CPOX: variants seen among roughly 807,000 people sequenced by gnomAD.
The protein encoded by CPOX is oxygen-dependent coproporphyrinogen-III oxidase, mitochondrial.
A neutral mutation model predicts 48.9 loss-of-function variants in CPOX; 24 were observed. The observed-to-expected ratio is 0.49, with a 90% CI of 0.36 to 0.69. The LOEUF (loss-of-function observed/expected upper bound fraction) is 0.69. CPOX is among the 30% of genes least tolerant of loss of function. The pLI is 0.00. For synonymous variants in CPOX, 249 were observed against 234.6 expected, an observed-to-expected ratio of 1.06 and a Z score of -0.56; for missense variants, 549 against 597.3, an observed-to-expected ratio of 0.92 and a Z score of 0.84.
At chr3:98,585,229 T>C (rs1357318431) in intron 5 of CPOX, among the ~76,000 whole-genome samples, 1 of 152,246 alleles carries the variant, frequency 6.6e-6, no homozygotes, top group Non-Finnish European at 1.5e-5. Flanking sequence ...ACATGCCTAC[T>C]ATGAGTCTCT....
At position 98,591,110 on chromosome 3, in the gene CPOX, T is replaced by C; in HGVS notation, c.602A>G (p.Glu201Gly). ...AACAGAAATGCTCACCCCAGCCTTT[T>C]CGAAAACACACCCATCTTGAAGTAC... Reference protein sequence around the residue: ...SCVLQDGCVFEKAGVSISVVH... With the variant: ...SCVLQDGCVFGKAGVSISVVH... Residue 201 changes from glutamate to glycine, a missense_variant, in exon 2 of 7, where the codon GAA becomes GGA. Around this residue, in one of 2 missense-constraint regions of CPOX, gnomAD observed 336 missense variants for 318.1 expected, o/e 1.06. Coordinates refer to ENST00000647941, the MANE Select transcript of CPOX (RefSeq NM_000097.7). 3 of 1,614,148 alleles carry C rather than the reference T, an allele frequency of 1.9e-6. No homozygotes were observed. Among genetic ancestry groups the C allele is most frequent in the Non-Finnish European group, 2.5e-6 (3 of 1,180,020 alleles).
chr3:98,580,467 T>A lies in CPOX; in HGVS notation c.*216A>T. On this transcript the variant is annotated 3_prime_UTR_variant, in exon 7 of 7. Coordinates refer to ENST00000647941, the MANE Select transcript of CPOX (RefSeq NM_000097.7). ...GTCATATAAAATGACACTAGAAGTA[T>A]AAATGAGGTTTAATCAATTGACTCT... 1 of 1,392,844 alleles carries A rather than the reference T, an allele frequency of 7.2e-7. No individual in the cohort carries two copies. Among genetic ancestry groups the A allele is most frequent in the Non-Finnish European group, 9.3e-7 (1 of 1,073,380 alleles). 86.3% of individuals were successfully genotyped at this position (1,392,844 alleles called of 1,614,324 possible). A position where few individuals can be genotyped will look rare whatever the true frequency, so the allele number is the denominator to read the frequency against.
intron 1 of CPOX, among the ~76,000 whole-genome samples, chr3:98,592,453 T>A (rs1707498294): frequency 6.6e-6 from 1 of 152,112 alleles, no homozygotes; most frequent in Non-Finnish European, 1.5e-5. Context: ...ATATATCTTG[T>A]GTAACAGTAA....
intron 4 of CPOX, among the ~76,000 whole-genome samples, chr3:98,588,070 G>C (rs937213891): frequency 1.3e-5 from 2 of 152,122 alleles, no homozygotes; most frequent in Admixed American, 6.5e-5. Context: ...ACAACTATTA[G>C]CTCTAAAAAC....
chr3:98,589,083 G>C (rs1279262495), intron 3 of CPOX, among the ~76,000 whole-genome samples: 1 of 152,208 alleles, frequency 6.6e-6, no homozygotes, highest in Non-Finnish European at 1.5e-5. Flanking sequence ...ACTTTGGGAG[G>C]CCCAGGCAGG....
intron 2 of CPOX, 83 bp from the exon 3 acceptor site, chr3:98,590,825 G>T: frequency 8.0e-7 from 1 of 1,248,816 alleles, no homozygotes; most frequent in Non-Finnish European, 1.2e-6. Flanking sequence ...TGATTTCCAA[G>T]TCAATTTTCA....
chr3:98,585,488 G>A lies in CPOX; in HGVS notation c.1125C>T (p.Asp375=). 1 of 1,614,096 alleles carries A rather than the reference G, an allele frequency of 6.2e-7. No individual in the cohort carries two copies. Among genetic ancestry groups the A allele is most frequent in the Non-Finnish European group, 8.5e-7 (1 of 1,180,032 alleles). ...ACAGCTTCTCCTGGGGGGTGAATGA[G>A]TCATCACAGTGCTTTTTCACAAGGG... is the stretch of plus-strand genomic sequence containing the variant. ...YIPLVKKHCD[D]SFTPQEKLWQ... Residue 375 remains aspartate (D), a synonymous_variant, in exon 5 of 7, where the codon GAC becomes GAT. Transcript: ENST00000647941.
the CPOX span, among the ~76,000 whole-genome samples, chr3:98,573,951 T>C: frequency 1.3e-5 from 2 of 152,220 alleles, no homozygotes; most frequent in African/African-American, 4.8e-5. Flanking sequence ...TCCTGATACC[T>C]CATCCCGTGT....
At chr3:98,592,805 A>T in intron 1 of CPOX, 144 bp downstream of exon 1, 1 of 841,062 alleles carries the variant, frequency 1.2e-6, no homozygotes, top group Non-Finnish European at 1.9e-6. Flanking sequence ...TCTTTTTATC[A>T]GCGGCCTCTA....
At chr3:98,581,269 G>A (rs1230832640) in intron 6 of CPOX, 138 bp downstream of exon 6, 3 of 706,866 alleles carry the variant, frequency 4.2e-6, no homozygotes, top group Non-Finnish European at 7.7e-6. Context: ...TTATTTGACT[G>A]TGATTTTCTT....
chr3:98,582,648 T>C (rs556958158), intron 5 of CPOX, among the ~76,000 whole-genome samples: 25 of 152,170 alleles, frequency 1.6e-4, no homozygotes, highest in African/African-American at 4.6e-4. Context: ...CCCGCCACCA[T>C]GACTGGCTAA....
chr3:98,572,544 T>C, the CPOX span, among the ~76,000 whole-genome samples: 1 of 152,226 alleles, frequency 6.6e-6, no homozygotes, highest in African/African-American at 2.4e-5. Flanking sequence ...TTGCTATAGC[T>C]TTATCATATG....
Position 98,583,478 on chromosome 3 carries a change from T to G in CPOX, c.1172+1963A>C, listed in dbSNP as rs1198063245. 2.0e-5 allele frequency among the ~76,000 whole-genome samples: 3 copies of G among 152,324 alleles called. No homozygotes were observed. In the South Asian group the frequency reaches 6.2e-4, roughly 32 times the overall value. Reference sequence around the variant, plus strand: ...ATACATCTGTCCTCTCTGGGGTGCCTATAAGTTAGGGACTTTAACCAATCC... The same window carrying G: ...ATACATCTGTCCTCTCTGGGGTGCCGATAAGTTAGGGACTTTAACCAATCC... On this transcript the variant is annotated intron_variant, in intron 5 of 6. Transcript: ENST00000647941.
chr3:98,571,278 G>C, the CPOX span, among the ~76,000 whole-genome samples: 1 of 152,108 alleles, frequency 6.6e-6, no homozygotes, highest in Non-Finnish European at 1.5e-5. Flanking sequence ...GTTTCTGCCT[G>C]CTAATTTCTC....
At chr3:98,590,232 C>T (rs1484555457) in intron 3 of CPOX, among the ~76,000 whole-genome samples, 2 of 152,250 alleles carry the variant, frequency 1.3e-5, no homozygotes, top group Non-Finnish European at 2.9e-5. Context: ...ACTGCAACCT[C>T]CGCCTCCCAG....
chr3:98,592,593 G>A (rs1707501275), intron 1 of CPOX, among the ~76,000 whole-genome samples: 1 of 152,158 alleles, frequency 6.6e-6, no homozygotes, highest in African/African-American at 2.4e-5. Flanking sequence ...GAGAAGGAGA[G>A]AAAATGTGTT....
chr3:98,573,596 C>A, the CPOX span, among the ~76,000 whole-genome samples: 24 of 152,198 alleles, frequency 1.6e-4, no homozygotes, highest in African/African-American at 4.6e-4. Flanking sequence ...AAACAAAAAA[C>A]CCCCTGCAGA....
chr3:98,588,896 A>G, intron 3 of CPOX, 42 bp from the exon 4 acceptor site: 1 of 1,611,032 alleles, frequency 6.2e-7, no homozygotes, highest in Non-Finnish European at 8.5e-7. Flanking sequence ...GACTTTTGAG[A>G]TTCAGCATTA....
Position 98,591,141 on chromosome 3 carries a change from T to A in CPOX, c.571A>T (p.Ser191Cys). Reference sequence around the variant, plus strand: ...ACACACCCATCTTGAAGTACACAGCTGATGCCGCCACCTCCTGTGTATAGA... The same window carrying A: ...ACACACCCATCTTGAAGTACACAGCAGATGCCGCCACCTCCTGTGTATAGA... ...WERKEGGGGI[S>C]CVLQDGCVFE... Residue 191 changes from serine to cysteine, a missense_variant, in exon 2 of 7, where the codon AGC becomes TGC. This residue lies in a region of CPOX where 336 missense variants were observed against 318.1 expected (regional missense o/e 1.06). Transcript: ENST00000647941. 1 of 1,614,188 alleles carries A rather than the reference T, an allele frequency of 6.2e-7. No homozygotes were observed. The highest frequency in any genetic ancestry group is 1.3e-5 in the African/African-American group (1 of 75,042).
Sources: gnomAD v4.1 joint callset for allele counts (sites outside exome capture counted in the v4.1 genomes callset) on GRCh38, gnomAD v4.1.1 for gene constraint, gnomAD v4.1.1 regional missense constraint, MANE v1.5 for transcripts, NCBI Gene and HGNC (gene_info 2026-07-23, HGNC 2026-07-21) for gene names.